The following ENO2 variants were observed in gnomAD, a reference collection of about 807,000 sequenced individuals.
The protein encoded by ENO2 is enolase 2.
ENO2 carries 19 observed loss-of-function variants against 48.7 expected under a neutral mutation model. That is an observed-to-expected ratio of 0.39 (90% CI 0.27 to 0.57). The LOEUF is 0.57. Among genes scored for constraint, ENO2 ranks in the 20% least tolerant of loss-of-function variants. The pLI, the probability that ENO2 is intolerant of heterozygous loss-of-function variation, is 0.58. For synonymous variants in ENO2, 198 were observed against 213.4 expected (o/e 0.93, Z 0.63); for missense variants, 416 against 555.0 (o/e 0.75, Z 2.52).
intron 8 of ENO2, among the ~76,000 whole-genome samples, chr12:6,920,883 T>A (rs1945335297): frequency 6.7e-6 from 1 of 149,304 alleles, no homozygotes; most frequent in South Asian, 2.1e-4. Flanking sequence ...GTGAGATCTC[T>A]GCTCACTGCA....
intron 8 of ENO2, among the ~76,000 whole-genome samples, chr12:6,920,827 C>A (rs968566952): frequency 1.4e-5 from 2 of 145,930 alleles, no homozygotes; most frequent in Non-Finnish European, 1.5e-5. Context: ...TCCCAAAGTG[C>A]TGGGATTACA....
Position 6,916,754 on chromosome 12 carries a change from T to C in ENO2, c.240+25T>C. 1 of 1,613,616 alleles carries C rather than the reference T, an allele frequency of 6.2e-7. No individual in the cohort carries two copies. The highest frequency in any genetic ancestry group is 2.2e-5 in the East Asian group (1 of 44,866). ...AGTGAGGCCTGCTCTTTGCTGGGGA[T>C]AGCAGGGCCAGAGTTCTGGAAGGAA... On this transcript the variant is annotated intron_variant, in intron 4 of 11. Coordinates refer to ENST00000229277, the MANE Select transcript of ENO2 (RefSeq NM_001975.3). The surrounding 1 kb of genome is among the most constrained non-coding windows in gnomAD (Gnocchi z 4.5).
In ENO2 at chr12:6,915,564, T is replaced by G. The variant is rs115339797; in HGVS notation, c.-12-257T>G. The G allele has an allele frequency of 6.2e-3, 2,764 of 446,464 alleles. 64 individuals are homozygous for G. Among genetic ancestry groups the G allele is most frequent in the African/African-American group, 0.049 (2,461 of 50,238 alleles). 27.7% of individuals were successfully genotyped at this position (446,464 alleles called of 1,614,324 possible). On this transcript the variant is annotated intron_variant, in intron 1 of 11. Transcript: ENST00000229277. ...CCCTCCTCACTGCAGTGTTCTCCCA[T>G]CTCATCATTTGATCTTACCCCGCCC... is the stretch of plus-strand genomic sequence containing the variant.
At position 6,914,922 on chromosome 12, in the gene ENO2, T is replaced by A. The variant is rs2138181036; in HGVS notation, c.-13+263T>A. ...CTCTCTCCCGGTGCTCGCCCTCATCTACGGTTCTATTTGTTTCTAAGTTGG... is the reference window on the plus strand; with the variant it reads ...CTCTCTCCCGGTGCTCGCCCTCATCAACGGTTCTATTTGTTTCTAAGTTGG... On this transcript the variant is annotated intron_variant, in intron 1 of 11. Coordinates refer to ENST00000229277, the MANE Select transcript of ENO2 (RefSeq NM_001975.3). This position sits in a 1 kb window ranked among gnomAD's most constrained non-coding sequence, Gnocchi z 7.1. Among the ~76,000 whole-genome samples the A allele has an allele frequency of 6.6e-6, 1 of 152,324 alleles. No homozygotes were observed.
chr12:6,920,740 T>TG (rs1945333778), intron 8 of ENO2, among the ~76,000 whole-genome samples: 1 of 129,010 alleles, frequency 7.8e-6, no homozygotes, highest in African/African-American at 3.8e-5. Context: ...TTTTTTTTTT[T>TG]GTAGAGACAG....
chr12:6,918,896 C>T (rs1230401553), intron 7 of ENO2, among the ~76,000 whole-genome samples: 2 of 149,904 alleles, frequency 1.3e-5, no homozygotes, highest in East Asian at 2.0e-4. Context: ...GCAGGAGGAT[C>T]GCTTGTACCC....
intron 8 of ENO2, among the ~76,000 whole-genome samples, chr12:6,920,707 T>TA (rs1945332922): frequency 1.5e-5 from 2 of 136,248 alleles, no homozygotes; most frequent in Admixed American, 7.3e-5. Context: ...GCTGGTTTGC[T>TA]TTTAATTAAC....
Position 6,916,376 on chromosome 12 carries a change from G to A in ENO2, c.86-41G>A. The A allele has an allele frequency of 1.9e-6, 3 of 1,590,626 alleles. No homozygotes were observed. The highest frequency in any genetic ancestry group is 2.6e-6 in the Non-Finnish European group (3 of 1,165,926). On this transcript the variant is annotated intron_variant, in intron 2 of 11. Transcript: ENST00000229277. This position sits in a 1 kb window ranked among gnomAD's most constrained non-coding sequence, Gnocchi z 4.5. ...AAGGCTGAAGGACTCCCTGGCCCCT[G>A]TGTCCTCTTCACTCCCTCTCATTCC...
Position 6,916,248 on chromosome 12 carries a change from C to G in ENO2, c.86-169C>G, listed in dbSNP as rs980968433. Among the ~76,000 whole-genome samples, 4 of 114,994 alleles carry G rather than the reference C, an allele frequency of 3.5e-5. No individual in the cohort carries two copies. Among genetic ancestry groups the G allele is most frequent in the Non-Finnish European group, 6.5e-5 (4 of 61,072 alleles). The allele number at this position is 114,994 out of a possible 152,430, so 75.4% of individuals were successfully genotyped here. On this transcript the variant is annotated intron_variant, in intron 2 of 11. Coordinates refer to ENST00000229277, the MANE Select transcript of ENO2 (RefSeq NM_001975.3). The surrounding 1 kb of genome is among the most constrained non-coding windows in gnomAD (Gnocchi z 4.5). The stretch of plus-strand genomic sequence containing the variant: ...AGATGGGTGGATGAGGAGGCCACTT[C>G]TTGTGCATCTGCCTCAGTGTGTGTG...
Position 6,916,940 on chromosome 12 carries a change from AC to A in ENO2, c.241-95del. On this transcript the variant is annotated intron_variant, in intron 4 of 11. Coordinates refer to ENST00000229277, the MANE Select transcript of ENO2 (RefSeq NM_001975.3). The surrounding 1 kb of genome is among the most constrained non-coding windows in gnomAD (Gnocchi z 4.5). ...GCCCCTGTCACAGGGACCTGGTTGG[AC>A]CCTGGCCAAATGTGAGCTTGGGTGT... 6.5e-7 allele frequency: 1 copy of A among 1,550,292 alleles called. No individual in the cohort carries two copies. The highest frequency in any genetic ancestry group is 8.9e-7 in the Non-Finnish European group (1 of 1,128,266).
At chr12:6,920,502 C>G (rs888674446) in intron 8 of ENO2, among the ~76,000 whole-genome samples, 1 of 151,576 alleles carries the variant, frequency 6.6e-6, no homozygotes, top group Non-Finnish European at 1.5e-5. Flanking sequence ...CGGATTCAAG[C>G]GATTCTTCTG....
chr12:6,914,742 C>G lies in ENO2; in HGVS notation c.-13+83C>G, dbSNP rs984363882. 3 of 153,894 alleles carry G rather than the reference C, an allele frequency of 1.9e-5. No homozygotes were observed. Among genetic ancestry groups the G allele is most frequent in the African/African-American group, 7.2e-5 (3 of 41,392 alleles). 9.5% of individuals were successfully genotyped at this position (153,894 alleles called of 1,614,324 possible). A position where few individuals can be genotyped will look rare whatever the true frequency, so the allele number is the denominator to read the frequency against. ...CTGCCTCCTTTACCCGGTGCCGCTGCGCACCTCTCCGCATCTCTGGCCCGG... is the reference window on the plus strand; with the variant it reads ...CTGCCTCCTTTACCCGGTGCCGCTGGGCACCTCTCCGCATCTCTGGCCCGG... On this transcript the variant is annotated intron_variant, in intron 1 of 11. Coordinates refer to ENST00000229277, the MANE Select transcript of ENO2 (RefSeq NM_001975.3). This position sits in a 1 kb window ranked among gnomAD's most constrained non-coding sequence, Gnocchi z 7.1.
At position 6,916,342 on chromosome 12, in the gene ENO2, T is replaced by G; in HGVS notation, c.86-75T>G. ...AGCTAGATGTGGTAGGCAGGCAGTT[T>G]AGAGCCAGAAGGCTGAAGGACTCCC... On this transcript the variant is annotated intron_variant, in intron 2 of 11. Transcript: ENST00000229277. This position sits in a 1 kb window ranked among gnomAD's most constrained non-coding sequence, Gnocchi z 4.5. 3 of 1,432,544 alleles carry G rather than the reference T, an allele frequency of 2.1e-6. No individual in the cohort carries two copies. Among genetic ancestry groups the G allele is most frequent in the Non-Finnish European group, 2.9e-6 (3 of 1,049,166 alleles). The allele number at this position is 1,432,544 out of a possible 1,614,324, so 88.7% of individuals were successfully genotyped here. A position where few individuals can be genotyped will look rare whatever the true frequency, so the allele number is the denominator to read the frequency against.
At chr12:6,921,192 C>T (rs1363604606) in intron 8 of ENO2, among the ~76,000 whole-genome samples, 5 of 137,556 alleles carry the variant, frequency 3.6e-5, no homozygotes, top group Admixed American at 6.9e-5. Flanking sequence ...TCCAGGAGTT[C>T]GAGACTGGCC....
chr12:6,917,366 G>C, intron 5 of ENO2: 1 of 716,388 alleles, frequency 1.4e-6, no homozygotes, highest in Non-Finnish European at 2.3e-6. Flanking sequence ...TATTTAGAAA[G>C]AGGTGTGGCT....
chr12:6,915,974 G>T (rs1555141556), intron 2 of ENO2, 57 bp downstream of exon 2: 34 of 1,598,598 alleles, frequency 2.1e-5, no homozygotes, highest in Non-Finnish European at 2.8e-5. Flanking sequence ...GCCAGGCTGG[G>T]TTCGGCCAGG....
intron 7 of ENO2, 68 bp from the exon 8 acceptor site, chr12:6,919,498 T>C: frequency 1.9e-6 from 3 of 1,570,636 alleles, no homozygotes; most frequent in Non-Finnish European, 2.6e-6. Flanking sequence ...TGAATGTCTT[T>C]TCTTTCCCTC....
chr12:6,919,845 C>G, intron 8 of ENO2, 82 bp downstream of exon 8: 1 of 1,463,492 alleles, frequency 6.8e-7, no homozygotes, highest in Non-Finnish European at 9.4e-7. Context: ...GGGGTGCTGA[C>G]TCAGGCACCA....
intron 9 of ENO2, 72 bp downstream of exon 9, chr12:6,921,854 A>C (rs925729930): frequency 6.3e-7 from 1 of 1,580,138 alleles, no homozygotes; most frequent in Non-Finnish European, 8.6e-7. Context: ...GCTCCAGCCT[A>C]ATTCTACCCA....
Sources: gnomAD v4.1 joint callset for allele counts (sites outside exome capture counted in the v4.1 genomes callset) on GRCh38, gnomAD v4.1.1 for gene constraint, Gnocchi (gnomAD v3.1) non-coding constraint, MANE v1.5 for transcripts, NCBI Gene and HGNC (gene_info 2026-07-23, HGNC 2026-07-21) for gene names.